VWF: variants seen among roughly 807,000 people sequenced by gnomAD.
VWF encodes the protein von Willebrand factor.
A neutral mutation model predicts 308.6 loss-of-function variants in VWF; 176 were observed. That is an observed-to-expected ratio of 0.57 (90% CI 0.50 to 0.65). The LOEUF is 0.65. VWF is among the 30% of genes least tolerant of loss of function. The pLI is 0.00. For missense variants in VWF, 3,146 were observed against 3,648.2 expected, an observed-to-expected ratio of 0.86 and a Z score of 3.55; for synonymous variants, 1,385 against 1,443.4, an observed-to-expected ratio of 0.96 and a Z score of 0.92.
At chr12:6,111,082 T>C (rs1945303735) in intron 3 of VWF, 114 bp from the exon 4 acceptor site, 1 of 942,356 alleles carries the variant, frequency 1.1e-6, no homozygotes, top group Non-Finnish European at 1.7e-6. Flanking sequence ...CCCCAAAAAG[T>C]CTTTACAAGC....
At position 5,981,958 on chromosome 12, in the gene VWF, G is replaced by A; in HGVS notation, c.7115C>T (p.Pro2372Leu). The A allele has an allele frequency of 6.2e-7, 1 of 1,613,752 alleles. No individual in the cohort carries two copies. The highest frequency in any genetic ancestry group is 8.5e-7 in the Non-Finnish European group (1 of 1,179,926). Residue 2372 changes from proline to leucine, a missense_variant, in exon 42 of 52, where the codon CCA becomes CTA. Coordinates refer to ENST00000261405, the MANE Select transcript of VWF (RefSeq NM_000552.5). ...CAAACGGTGCGGGGGGCAGGAGGGT[G>A]GGGACACTCTTTTGCACTCCTCCTT... Reference protein sequence around the residue: ...CRKEECKRVSPPSCPPHRLPT... With the variant: ...CRKEECKRVSLPSCPPHRLPT...
At chr12:5,956,641 G>GAA (rs532557839) in intron 47 of VWF, among the ~76,000 whole-genome samples, 9 of 105,502 alleles carry the variant, frequency 8.5e-5, no homozygotes, top group African/African-American at 1.7e-4. Context: ...ACCCTGTCTC[G>GAA]AAAAAAAAAA....
chr12:6,086,867 G>A (rs1318652430), intron 6 of VWF, among the ~76,000 whole-genome samples: 3 of 152,176 alleles, frequency 2.0e-5, no homozygotes, highest in Non-Finnish European at 4.4e-5. Context: ...GGGCTACTGA[G>A]GAGGCATGCT....
At chr12:6,073,785 C>A in intron 7 of VWF, 44 bp from the exon 8 acceptor site, 1 of 1,612,380 alleles carries the variant, frequency 6.2e-7, no homozygotes. Context: ...CAGGTCCCAC[C>A]GGTGCATCAT....
intron 3 of VWF, among the ~76,000 whole-genome samples, chr12:6,114,194 G>A (rs1355549387): frequency 6.6e-6 from 1 of 152,172 alleles, no homozygotes; most frequent in African/African-American, 2.4e-5. Flanking sequence ...TGCAGAAAGG[G>A]TGGGTGGGAC....
Position 6,038,691 on chromosome 12 carries a change from G to A in VWF, c.2443-2200C>T, listed in dbSNP as rs370586340. On this transcript the variant is annotated intron_variant, in intron 18 of 51. Coordinates refer to ENST00000261405, the MANE Select transcript of VWF (RefSeq NM_000552.5). ...GCAAACCACGTGGCTGCTCTCTGCC[G>A]ACTCGTGTTAGCAAGAGGAGGTTAT... Among the ~76,000 whole-genome samples, 314 of 152,316 alleles carry A rather than the reference G, an allele frequency of 2.1e-3. 1 individual carries two copies. The highest frequency in any genetic ancestry group is 7.4e-3 in the African/African-American group (309 of 41,570).
At chr12:6,056,030 T>G (rs1226313926) in intron 15 of VWF, among the ~76,000 whole-genome samples, 1 of 151,508 alleles carries the variant, frequency 6.6e-6, no homozygotes, top group Non-Finnish European at 1.5e-5. Flanking sequence ...GATTCTACCA[T>G]TGGAAACAAG....
At chr12:6,092,630 T>A (rs143663161) in intron 6 of VWF, among the ~76,000 whole-genome samples, 27,333 of 72,096 alleles carry the variant, frequency 0.38, 3,572 homozygotes, top group Middle Eastern at 0.46. Flanking sequence ...TGTGTGTGTG[T>A]GTGTGTGTGT....
intron 6 of VWF, among the ~76,000 whole-genome samples, chr12:6,085,123 C>T (rs1446260674): frequency 6.6e-6 from 1 of 152,190 alleles, no homozygotes; most frequent in African/African-American, 2.4e-5. Context: ...CTCCTGGAGG[C>T]ATCTGAGCAG....
intron 18 of VWF, 144 bp from the exon 19 acceptor site, chr12:6,036,635 CA>C (rs1315346001): frequency 3.8e-6 from 3 of 790,498 alleles, no homozygotes; most frequent in East Asian, 2.7e-5. Context: ...AGGGCTGAGC[CA>C]GGGGGACAGC....
intron 17 of VWF, 84 bp from the exon 18 acceptor site, chr12:6,044,535 C>T: frequency 6.6e-7 from 1 of 1,516,416 alleles, no homozygotes; most frequent in Non-Finnish European, 8.9e-7. Flanking sequence ...CCCCTAGAGT[C>T]TGTGACTAAA....
chr12:5,952,595 T>C (rs1943204381), intron 48 of VWF, 76 bp from the exon 49 acceptor site: 3 of 1,566,420 alleles, frequency 1.9e-6, no homozygotes, highest in Non-Finnish European at 2.6e-6. Context: ...TGAGCTTGAC[T>C]CCATGGAGAT....
intron 6 of VWF, among the ~76,000 whole-genome samples, chr12:6,087,984 A>T (rs112207127): frequency 0.017 from 2,514 of 152,248 alleles, 70 homozygotes; most frequent in African/African-American, 0.055. Context: ...ATGGTCACAG[A>T]GACTGTGCCT....
At chr12:5,949,688 G>T in intron 51 of VWF, 98 bp downstream of exon 51, 4 of 1,274,908 alleles carry the variant, frequency 3.1e-6, no homozygotes, top group Non-Finnish European at 4.6e-6. Flanking sequence ...TCTTCCCTGC[G>T]AATTTTCCAG....
At chr12:6,107,107 A>G (rs1372385954) in intron 5 of VWF, among the ~76,000 whole-genome samples, 2 of 152,206 alleles carry the variant, frequency 1.3e-5, no homozygotes, top group Non-Finnish European at 2.9e-5. Flanking sequence ...ACATGCACCA[A>G]TATGGATTAA....
chr12:6,057,049 C>T lies in VWF; in HGVS notation c.1753G>A (p.Ala585Thr), dbSNP rs141777100. 9.3e-5 allele frequency: 143 copies of T among 1,544,146 alleles called. 1 individual carries two copies. The African/African-American group carries it at 1.9e-3, about 20-fold the overall frequency. The part of the protein sequence containing the change: ...RMTRFSEEAC[A>T]VLTSPTFEAC... ...TCGAATGTGGGGGACGTCAGGACCG[C>T]GCACGCCTCCTCGGAGAACCTGGCT... Residue 585 changes from alanine (A) to threonine (T), a missense_variant, in exon 15 of 52, where the codon GCG becomes ACG. This residue lies in a region of VWF where 1,304 missense variants were observed against 1,353.0 expected (regional missense o/e 0.96). Coordinates refer to ENST00000261405, the MANE Select transcript of VWF (RefSeq NM_000552.5).
Position 6,075,574 on chromosome 12 carries a change from A to G in VWF, c.658-23T>C. Reference sequence around the variant, plus strand: ...GCCCTGCAGGAAGAGGGGCCGCCTCAGCGGTATGCTCCGTTAGTGTCTCCC... The same window carrying G: ...GCCCTGCAGGAAGAGGGGCCGCCTCGGCGGTATGCTCCGTTAGTGTCTCCC... On this transcript the variant is annotated intron_variant, in intron 6 of 51. Transcript: ENST00000261405. The surrounding 1 kb of genome is among the most constrained non-coding windows in gnomAD (Gnocchi z 4.7). 1 of 1,606,232 alleles carries G rather than the reference A, an allele frequency of 6.2e-7. No individual in the cohort carries two copies. The highest frequency in any genetic ancestry group is 8.5e-7 in the Non-Finnish European group (1 of 1,176,328).
chr12:6,116,092 G>A (rs891728933), intron 3 of VWF, among the ~76,000 whole-genome samples: 8 of 152,166 alleles, frequency 5.3e-5, no homozygotes, highest in Non-Finnish European at 1.2e-4. Context: ...ATGATGTGCA[G>A]CCATTAGGAA....
At chr12:5,962,635 T>C (rs567523458) in intron 47 of VWF, among the ~76,000 whole-genome samples, 6,612 of 96,936 alleles carry the variant, frequency 0.068, 195 homozygotes, top group South Asian at 0.17. Context: ...CTCTGCCCCC[T>C]GGGTTCAAGT....
Sources: allele counts gnomAD v4.1 joint callset (sites outside exome capture counted in the v4.1 genomes callset), GRCh38; gene constraint gnomAD v4.1.1; regional missense constraint gnomAD v4.1.1; non-coding constraint Gnocchi (gnomAD v3.1); transcripts MANE v1.5; gene names NCBI Gene and HGNC (gene_info 2026-07-23, HGNC 2026-07-21).